The following TEX14 variants were observed in gnomAD, a reference collection of about 807,000 sequenced individuals.
TEX14 encodes the protein testis expressed 14, intercellular bridge forming factor.
In TEX14, 168 loss-of-function variants were observed where a neutral mutation model predicts 178.6. The ratio of observed to expected loss-of-function variants is 0.94; its 90% CI spans 0.83 to 1.07. The LOEUF is 1.07. TEX14 is among the 50% of genes least tolerant of loss of function. The pLI, the probability that TEX14 is intolerant of heterozygous loss-of-function variation, is 0.00. For synonymous variants in TEX14, 626 were observed against 634.1 expected (o/e 0.99, Z 0.19); for missense variants, 1,730 against 1,753.6 (o/e 0.99, Z 0.24).
Position 58,603,887 on chromosome 17 carries a change from C to CTGTGTGTGTGTGTGTGTG in TEX14, c.1336+1073_1336+1090dup, listed in dbSNP as rs71143257. On this transcript the variant is annotated intron_variant, in intron 11 of 31. Transcript: ENST00000349033. ...AAAAGCAGCCCTTAATGTGATTTTA[C>CTGTGTGTGTGTGTGTGTG]TGTGTGTGTGTGTGTGTGTGTGTGT... 6.3e-4 allele frequency among the ~76,000 whole-genome samples: 66 copies of CTGTGTGTGTGTGTGTGTG among 105,286 alleles called. 1 individual carries two copies. The highest frequency in any genetic ancestry group is 2.8e-3 in the East Asian group (7 of 2,498). The allele number at this position is 105,286 out of a possible 152,430, so 69.1% of individuals were successfully genotyped here.
intron 3 of TEX14, among the ~76,000 whole-genome samples, chr17:58,628,455 G>A (rs2046200882): frequency 6.6e-6 from 1 of 152,306 alleles, no homozygotes; most frequent in South Asian, 2.1e-4. Context: ...GCTCATGCCT[G>A]TAATCCCAGC....
At chr17:58,631,892 T>C (rs959180949) in intron 2 of TEX14, 1 of 152,238 alleles carries the variant, frequency 6.6e-6, no homozygotes, top group African/African-American at 2.4e-5. Context: ...ATTATGCTGA[T>C]GGTGAGTATT....
At chr17:58,639,163 C>T (rs1052488817) in intron 2 of TEX14, among the ~76,000 whole-genome samples, 1 of 151,838 alleles carries the variant, frequency 6.6e-6, no homozygotes, top group African/African-American at 2.4e-5. Context: ...CCGCGCCCAG[C>T]AAGACTATTA....
intron 13 of TEX14, among the ~76,000 whole-genome samples, chr17:58,601,578 C>G (rs2045446308): frequency 6.6e-6 from 1 of 151,978 alleles, no homozygotes; most frequent in Non-Finnish European, 1.5e-5. Context: ...CCTGTAATCC[C>G]AGCTACTCAG....
intron 18 of TEX14, among the ~76,000 whole-genome samples, chr17:58,585,300 G>C (rs2044927801): frequency 6.6e-6 from 1 of 152,112 alleles, no homozygotes; most frequent in South Asian, 2.1e-4. Context: ...GGATCTGTTT[G>C]CCTGTGGGAA....
chr17:58,618,609 A>T (rs1340467952), intron 5 of TEX14, among the ~76,000 whole-genome samples: 1 of 152,208 alleles, frequency 6.6e-6, no homozygotes, highest in South Asian at 2.1e-4. Flanking sequence ...AAAAGATCCT[A>T]CTGCCACCAG....
At chr17:58,632,288 G>T (rs910935446) in intron 2 of TEX14, among the ~76,000 whole-genome samples, 1 of 152,224 alleles carries the variant, frequency 6.6e-6, no homozygotes, top group Non-Finnish European at 1.5e-5. Context: ...TTTATACTGT[G>T]ATCAAAATTC....
At chr17:58,688,671 G>A (rs2047641116) in intron 1 of TEX14, among the ~76,000 whole-genome samples, 2 of 152,106 alleles carry the variant, frequency 1.3e-5, no homozygotes, top group African/African-American at 4.8e-5. Context: ...AGGTCACATA[G>A]TTGGTAACTT....
Position 58,584,569 on chromosome 17 carries a change from C to G in TEX14, c.3102G>C (p.Glu1034Asp), listed in dbSNP as rs1032398833. 2 of 1,614,110 alleles carry G rather than the reference C, an allele frequency of 1.2e-6. No homozygotes were observed. The highest frequency in any genetic ancestry group is 1.7e-5 in the Admixed American group (1 of 60,014). ...SIRHPSPRQKEQPEHSEAFQA... is the reference protein window; with the variant it reads ...SIRHPSPRQKDQPEHSEAFQA... ...GGAAGGCTTCACTATGCTCTGGTTG[C>G]TCCTTTTGTCTGGGAGATGGGTGCC... Residue 1034 changes from glutamate to aspartate, a missense_variant, in exon 19 of 32, where the codon GAG (glutamate) becomes GAC (aspartate). Transcript: ENST00000349033.
At chr17:58,579,635 C>T in intron 20 of TEX14, 30 bp downstream of exon 20, 2 of 1,583,264 alleles carry the variant, frequency 1.3e-6, no homozygotes, top group South Asian at 1.1e-5. Flanking sequence ...GGAAGTGATT[C>T]TCAAGGAATC....
At chr17:58,678,729 C>T (rs1029381742) in intron 1 of TEX14, among the ~76,000 whole-genome samples, 5 of 151,446 alleles carry the variant, frequency 3.3e-5, no homozygotes, top group Admixed American at 6.6e-5. Context: ...ATGTAAATGA[C>T]GAGTTAATGG....
chr17:58,571,356 C>T (rs2044523900), intron 24 of TEX14, among the ~76,000 whole-genome samples: 1 of 151,680 alleles, frequency 6.6e-6, no homozygotes, highest in Non-Finnish European at 1.5e-5. Flanking sequence ...CCACCTCAGC[C>T]TCCCGTGTAG....
intron 1 of TEX14, among the ~76,000 whole-genome samples, chr17:58,656,608 G>C (rs1190714477): frequency 2.6e-5 from 4 of 151,734 alleles, no homozygotes; most frequent in Non-Finnish European, 4.4e-5. Context: ...ACAAAAATTA[G>C]CCATGTGTGG....
In TEX14 at chr17:58,611,302, A is replaced by G. The variant is rs373586195; in HGVS notation, c.1043T>C (p.Val348Ala). Reference sequence around the variant, plus strand: ...ATCAGATATCTGGAGCAGCAGGTGCACAATCACCTCCATGTGCAGCACTGG... The same window carrying G: ...ATCAGATATCTGGAGCAGCAGGTGCGCAATCACCTCCATGTGCAGCACTGG... ...QFPVLHMEVI[V>A]HLLLQISDAL... Residue 348 changes from valine (V) to alanine (A), a missense_variant, in exon 10 of 32, where the codon GTG becomes GCG. Physicochemically the swap from Val to Ala is moderately conservative, Grantham distance 64 (BLOSUM62 0). Coordinates refer to ENST00000349033, the MANE Select transcript of TEX14 (RefSeq NM_031272.5). 5.6e-6 allele frequency: 9 copies of G among 1,613,536 alleles called. No individual in the cohort carries two copies. The Admixed American group carries it at 6.7e-5, about 12-fold the overall frequency.
chr17:58,637,230 AAACAAAAAAAC>A lies in TEX14; in HGVS notation c.137-6687_137-6677del, dbSNP rs534293872. 1.4e-3 allele frequency among the ~76,000 whole-genome samples: 220 copies of A among 152,362 alleles called. 1 individual carries two copies. Among genetic ancestry groups the A allele is most frequent in the Middle Eastern group, 3.4e-3 (1 of 294 alleles). On this transcript the variant is annotated intron_variant, in intron 2 of 31. Coordinates refer to ENST00000349033, the MANE Select transcript of TEX14 (RefSeq NM_031272.5). ...AACGAGACTCTGTCTCAAAAACAAA[AAACAAAAAAAC>A]AACAAAAAAACAAGAAATATATATT...
intron 1 of TEX14, among the ~76,000 whole-genome samples, chr17:58,683,261 T>A (rs775055009): frequency 5.3e-5 from 8 of 150,912 alleles, no homozygotes; most frequent in African/African-American, 9.8e-5. Context: ...TAATCCCAGC[T>A]ACTCCGGAGG....
chr17:58,622,695 G>A (rs947349742), intron 4 of TEX14, 152 bp downstream of exon 4: 3 of 678,666 alleles, frequency 4.4e-6, no homozygotes, highest in Non-Finnish European at 6.8e-6. Context: ...CCTGCCGGAA[G>A]TTTCGCAGCT....
intron 8 of TEX14, 128 bp downstream of exon 8, chr17:58,615,104 C>A: frequency 1.6e-6 from 1 of 608,404 alleles, no homozygotes; most frequent in Non-Finnish European, 2.9e-6. Flanking sequence ...CAATCAATTT[C>A]AACAGTCAGG....
At chr17:58,635,001 G>A (rs900726852) in intron 2 of TEX14, among the ~76,000 whole-genome samples, 13 of 151,982 alleles carry the variant, frequency 8.6e-5, no homozygotes, top group African/African-American at 3.1e-4. Context: ...GCGTGGTGGC[G>A]GGCGCCTGTA....
Sources: gnomAD v4.1 joint callset for allele counts (sites outside exome capture counted in the v4.1 genomes callset) on GRCh38, gnomAD v4.1.1 for gene constraint, MANE v1.5 for transcripts, NCBI Gene and HGNC (gene_info 2026-07-23, HGNC 2026-07-21) for gene names.